DSCAML1: variants seen among roughly 807,000 people sequenced by gnomAD.
The protein encoded by DSCAML1 is cell adhesion molecule DSCAML1.
Under a neutral mutation model 200.5 loss-of-function variants are expected in DSCAML1, and 38 were observed. That is an observed-to-expected ratio of 0.19 (90% CI 0.15 to 0.25). DSCAML1 has a LOEUF of 0.25. Among genes scored for constraint, DSCAML1 ranks in the 10% least tolerant of loss-of-function variants. DSCAML1 has a pLI of 1.00. For synonymous variants in DSCAML1, 1,215 were observed against 1,165.0 expected, an observed-to-expected ratio of 1.04 and a Z score of -0.87; for missense variants, 2,223 against 2,858.8, an observed-to-expected ratio of 0.78 and a Z score of 5.07.
Position 117,746,221 on chromosome 11 carries a change from C to CAAAAAA in DSCAML1, c.511+30564_511+30569dup, listed in dbSNP as rs34362262. ...TGGGCATCAGAGCGAGACTCTGTCTCAAAAAAAAAAAAAAAAAAAAAAAAG... is the reference window on the plus strand; with the variant it reads ...TGGGCATCAGAGCGAGACTCTGTCTCAAAAAAAAAAAAAAAAAAAAAAAAAAAAAAG... On this transcript the variant is annotated intron_variant, in intron 3 of 32. Coordinates refer to ENST00000651296, the MANE Select transcript of DSCAML1 (RefSeq NM_020693.4). 4.8e-3 allele frequency among the ~76,000 whole-genome samples: 318 copies of CAAAAAA among 66,788 alleles called. 44 individuals carry two copies. The highest frequency in any genetic ancestry group is 0.02 in the African/African-American group (291 of 14,202). The allele number at this position is 66,788 out of a possible 152,430, so 43.8% of individuals were successfully genotyped here.
chr11:117,816,572 C>T lies in DSCAML1; in HGVS notation c.-250+818G>A, dbSNP rs539539078. The stretch of plus-strand genomic sequence containing the variant: ...CTAATCTCCCCCACAGCAGCCCTGC[C>T]GAGCAGAGCGGAGGGAGGGTGGAAG... On this transcript the variant is annotated intron_variant, in intron 1 of 2. Transcript: ENST00000525836. 5.3e-5 allele frequency among the ~76,000 whole-genome samples: 8 copies of T among 152,280 alleles called. No individual in the cohort carries two copies. In the East Asian group the frequency reaches 1.2e-3, roughly 22 times the overall value.
At chr11:117,741,813 C>T (rs1294350365) in intron 3 of DSCAML1, among the ~76,000 whole-genome samples, 1 of 152,208 alleles carries the variant, frequency 6.6e-6, no homozygotes, top group Non-Finnish European at 1.5e-5. Context: ...TTAAGTGACT[C>T]TTGCATCCTG....
chr11:117,554,659 G>A (rs2050527295), intron 3 of DSCAML1, among the ~76,000 whole-genome samples: 1 of 152,172 alleles, frequency 6.6e-6, no homozygotes, highest in African/African-American at 2.4e-5. Context: ...TTATAGGTGT[G>A]AGCCACCGCG....
chr11:117,656,539 CTATCT>C (rs2052740281), intron 3 of DSCAML1, among the ~76,000 whole-genome samples: 5 of 151,432 alleles, frequency 3.3e-5, no homozygotes, highest in African/African-American at 1.2e-4. Flanking sequence ...ATCTATCTAT[CTATCT>C]ATCCATCCAT....
chr11:117,679,983 C>A (rs886395264), intron 3 of DSCAML1, among the ~76,000 whole-genome samples: 4 of 152,158 alleles, frequency 2.6e-5, no homozygotes, highest in Admixed American at 6.5e-5. Flanking sequence ...CTTTGCCTGG[C>A]CTGAGTCCTA....
intron 3 of DSCAML1, among the ~76,000 whole-genome samples, chr11:117,583,329 A>G (rs1357026472): frequency 6.6e-6 from 1 of 151,968 alleles, no homozygotes; most frequent in African/African-American, 2.4e-5. Flanking sequence ...CATGGCTTGT[A>G]CCCCTCTGCT....
chr11:117,515,411 A>G (rs1003305404), intron 8 of DSCAML1, among the ~76,000 whole-genome samples: 1 of 152,044 alleles, frequency 6.6e-6, no homozygotes, highest in African/African-American at 2.4e-5. Flanking sequence ...GTCAGTCCCA[A>G]AGAATGTATT....
rs1169107381 is a variant in DSCAML1 at position 117,432,600 on chromosome 11, G to A, written c.5027-96C>T. On this transcript the variant is annotated intron_variant, in intron 29 of 32. Coordinates refer to ENST00000651296, the MANE Select transcript of DSCAML1 (RefSeq NM_020693.4). ...ATTTCTCTTTGTCTTTATCCAATGT[G>A]TTTTTTGTTTGTGGATTTGTTTGTT... is the stretch of plus-strand genomic sequence containing the variant. 6 of 1,384,478 alleles carry A rather than the reference G, an allele frequency of 4.3e-6. No individual in the cohort carries two copies. The African/African-American group carries it at 4.4e-5, about 10-fold the overall frequency. 85.8% of individuals were successfully genotyped at this position (1,384,478 alleles called of 1,614,324 possible).
intron 11 of DSCAML1, among the ~76,000 whole-genome samples, chr11:117,495,106 C>A (rs61905337): frequency 0.078 from 11,939 of 152,226 alleles, 593 homozygotes; most frequent in Middle Eastern, 0.11. Flanking sequence ...GGGATGGTAG[C>A]CAAGCCTCTG....
chr11:117,799,114 C>T (rs2055632950), upstream of DSCAML1, among the ~76,000 whole-genome samples: 1 of 152,180 alleles, frequency 6.6e-6, no homozygotes. Context: ...AGAGCCCTCA[C>T]GTTTCCAGTC....
At chr11:117,623,597 T>C (rs1257648192) in intron 3 of DSCAML1, among the ~76,000 whole-genome samples, 3 of 152,194 alleles carry the variant, frequency 2.0e-5, no homozygotes, top group Non-Finnish European at 4.4e-5. Context: ...TCACCCGTTG[T>C]GGAACCTTGG....
At chr11:117,629,198 C>T (rs2052117733) in intron 3 of DSCAML1, among the ~76,000 whole-genome samples, 1 of 152,164 alleles carries the variant, frequency 6.6e-6, no homozygotes, top group African/African-American at 2.4e-5. Context: ...ATCTGCTCAA[C>T]AGAAAGGAGA....
intron 3 of DSCAML1, among the ~76,000 whole-genome samples, chr11:117,532,984 TAAAC>T (rs2050109030): frequency 6.7e-6 from 1 of 149,256 alleles, no homozygotes; most frequent in Non-Finnish European, 1.5e-5. Context: ...AAAAAAAAAT[TAAAC>T]AATTAGCTGG....
chr11:117,696,518 G>C (rs1369838842), intron 3 of DSCAML1, among the ~76,000 whole-genome samples: 1 of 152,164 alleles, frequency 6.6e-6, no homozygotes, highest in Non-Finnish European at 1.5e-5. Flanking sequence ...GTTTCAGTTT[G>C]GTCATTGGTT....
At chr11:117,535,244 C>G (rs1253603445) in intron 3 of DSCAML1, among the ~76,000 whole-genome samples, 2 of 152,234 alleles carry the variant, frequency 1.3e-5, no homozygotes, top group Non-Finnish European at 2.9e-5. Flanking sequence ...CTGGCCCTGT[C>G]TCTGTGAGCT....
chr11:117,786,678 A>T (rs1033047401), intron 1 of DSCAML1, among the ~76,000 whole-genome samples: 1 of 152,122 alleles, frequency 6.6e-6, no homozygotes, highest in African/African-American at 2.4e-5. Flanking sequence ...CCATGTCATC[A>T]TCTGTAATCA....
Position 117,518,278 on chromosome 11 carries a change from ACG to A in DSCAML1, c.1510+186_1510+187del. ...AGGGTGAACTGTACCAGACACACAC[ACG>A]CACACAAGAATGGATGATGGCGCTT... is the stretch of plus-strand genomic sequence containing the variant. On this transcript the variant is annotated intron_variant, in intron 7 of 32. Transcript: ENST00000651296. This position sits in a 1 kb window ranked among gnomAD's most constrained non-coding sequence, Gnocchi z 6.3. The A allele has an allele frequency of 1.4e-6, 1 of 722,940 alleles. No homozygotes were observed. The allele number at this position is 722,940 out of a possible 1,614,324, so 44.8% of individuals were successfully genotyped here. A position where few individuals can be genotyped will look rare whatever the true frequency, so the allele number is the denominator to read the frequency against.
At chr11:117,515,130 C>G (rs1003341118) in intron 8 of DSCAML1, among the ~76,000 whole-genome samples, 1 of 152,254 alleles carries the variant, frequency 6.6e-6, no homozygotes, top group Non-Finnish European at 1.5e-5. Flanking sequence ...GGCGGAGCCC[C>G]AGGCTGAGGT....
chr11:117,579,785 T>G (rs145007855), intron 3 of DSCAML1, among the ~76,000 whole-genome samples: 300 of 152,352 alleles, frequency 2.0e-3, no homozygotes, highest in African/African-American at 6.6e-3. Context: ...ACATTGTAGA[T>G]GCTTAATAAA....
Sources: gnomAD v4.1 joint callset for allele counts (sites outside exome capture counted in the v4.1 genomes callset) on GRCh38, gnomAD v4.1.1 for gene constraint, Gnocchi (gnomAD v3.1) non-coding constraint, MANE v1.5 for transcripts, NCBI Gene and HGNC (gene_info 2026-07-23, HGNC 2026-07-21) for gene names.